The following REL variants were observed in gnomAD, a reference collection of about 807,000 sequenced individuals.
The protein encoded by REL is proto-oncogene c-Rel.
A neutral mutation model predicts 45.9 loss-of-function variants in REL; 15 were observed. That is an observed-to-expected ratio of 0.33 (90% CI 0.22 to 0.50). REL has a LOEUF of 0.50. Among genes scored for constraint, REL ranks in the 20% least tolerant of loss-of-function variants. REL has a pLI of 0.98. For synonymous variants in REL, 239 were observed against 242.1 expected (o/e 0.99, Z 0.12); for missense variants, 601 against 715.2 (o/e 0.84, Z 1.82).
At chr2:60,901,293 C>G (rs1002805762) in intron 4 of REL, among the ~76,000 whole-genome samples, 9 of 151,488 alleles carry the variant, frequency 5.9e-5, no homozygotes, top group Non-Finnish European at 1.2e-4. Context: ...TCCGGAGTAG[C>G]TGGGATTATA....
intron 7 of REL, 90 bp downstream of exon 7, chr2:60,918,696 T>C (rs939158179): frequency 6.8e-5 from 58 of 856,626 alleles, no homozygotes; most frequent in Admixed American, 3.9e-4. Context: ...AGTACAGTTA[T>C]GTATATTCAT....
chr2:60,883,833 A>C (rs1008914102), intron 1 of REL, among the ~76,000 whole-genome samples: 9 of 149,586 alleles, frequency 6.0e-5, no homozygotes, highest in African/African-American at 1.7e-4. Context: ...TAGAAGTTGA[A>C]GGGTGATTAA....
At chr2:60,894,614 A>G (rs921599174) in intron 3 of REL, 69 bp downstream of exon 3, 19 of 1,186,960 alleles carry the variant, frequency 1.6e-5, no homozygotes, top group Non-Finnish European at 2.1e-5. Flanking sequence ...CTTCTCCATG[A>G]CAATCTGTTA....
chr2:60,887,543 A>C (rs1202909625), intron 1 of REL, among the ~76,000 whole-genome samples: 6 of 151,930 alleles, frequency 3.9e-5, no homozygotes, highest in Non-Finnish European at 7.4e-5. Context: ...TATCTCAAGA[A>C]GAAATAAGAC....
At chr2:60,900,065 C>A (rs1373925585) in intron 3 of REL, 1 of 152,046 alleles carries the variant, frequency 6.6e-6, no homozygotes, top group African/African-American at 2.4e-5. Flanking sequence ...TGTAGGAGGA[C>A]TAACAGGCAC....
At chr2:60,891,026 C>CT (rs572903405) in intron 1 of REL, among the ~76,000 whole-genome samples, 2 of 152,084 alleles carry the variant, frequency 1.3e-5, no homozygotes, top group African/African-American at 2.4e-5. Context: ...AAAGTGAATA[C>CT]TTTTTTTTCT....
At chr2:60,915,938 A>C (rs2103976344) in intron 4 of REL, among the ~76,000 whole-genome samples, 1 of 152,278 alleles carries the variant, frequency 6.6e-6, no homozygotes, top group Admixed American at 6.5e-5. Flanking sequence ...TTGGTATTTC[A>C]TCCTTAAAAT....
chr2:60,920,334 G>A lies in REL; in HGVS notation c.922+225G>A, dbSNP rs1674104400. 1.6e-5 allele frequency: 10 copies of A among 615,608 alleles called. No homozygotes were observed. The South Asian group carries it at 2.0e-4, about 12-fold the overall frequency. 38.1% of individuals were successfully genotyped at this position (615,608 alleles called of 1,614,324 possible). A position where few individuals can be genotyped will look rare whatever the true frequency, so the allele number is the denominator to read the frequency against. The stretch of plus-strand genomic sequence containing the variant: ...TCCTGCCTCAGCCTCCCGGGTAGCT[G>A]AGATTACAGGCATGTGCCACCACAC... On this transcript the variant is annotated intron_variant, in intron 8 of 9. Coordinates refer to ENST00000394479, the MANE Select transcript of REL (RefSeq NM_001291746.2).
chr2:60,906,306 A>G (rs973852536), intron 4 of REL, among the ~76,000 whole-genome samples: 2 of 152,072 alleles, frequency 1.3e-5, no homozygotes, highest in Admixed American at 6.5e-5. Flanking sequence ...ACTCAATTCT[A>G]TTCTGTACCT....
Position 60,926,293 on chromosome 2 carries a change from C to T in REL, c.*3758C>T, listed in dbSNP as rs946365684. ...CTTGGATGCATTTGCATCCTGACTT[C>T]TGAAATGCCTCCAGCCTCCATTTTC... On this transcript the variant is annotated 3_prime_UTR_variant, in exon 10 of 10. Transcript: ENST00000394479. 5 of 231,868 alleles carry T rather than the reference C, an allele frequency of 2.2e-5. No individual in the cohort carries two copies. The Admixed American group carries it at 2.8e-4, about 13-fold the overall frequency. 14.4% of individuals were successfully genotyped at this position (231,868 alleles called of 1,614,324 possible). A position where few individuals can be genotyped will look rare whatever the true frequency, so the allele number is the denominator to read the frequency against.
chr2:60,897,862 T>TA (rs1673392406), intron 3 of REL, among the ~76,000 whole-genome samples: 1 of 121,464 alleles, frequency 8.2e-6, no homozygotes. Context: ...TTGTATCTCT[T>TA]TAAAAAAAAA....
chr2:60,924,790 A>G lies in REL; in HGVS notation c.*2255A>G. 1 of 206,896 alleles carries G rather than the reference A, an allele frequency of 4.8e-6. No individual in the cohort carries two copies. Among genetic ancestry groups the G allele is most frequent in the Non-Finnish European group, 9.9e-6 (1 of 101,116 alleles). 12.8% of individuals were successfully genotyped at this position (206,896 alleles called of 1,614,324 possible). On this transcript the variant is annotated 3_prime_UTR_variant, in exon 10 of 10. Transcript: ENST00000394479. ...GTCACATATTCATTTGGCTGGTTTC[A>G]AATGGTGAGCTGAATGCTGGGTAAT...
At chr2:60,882,898 G>A (rs906315455) in intron 1 of REL, among the ~76,000 whole-genome samples, 2 of 152,120 alleles carry the variant, frequency 1.3e-5, no homozygotes, top group African/African-American at 4.8e-5. Context: ...CTCCCTTTGG[G>A]GGGGAATAAG....
chr2:60,894,592 G>A (rs747895839), intron 3 of REL, 47 bp downstream of exon 3: 11 of 1,418,108 alleles, frequency 7.8e-6, no homozygotes, highest in Admixed American at 2.4e-5. Flanking sequence ...TAAGACATAG[G>A]ATGTTCTGTT....
chr2:60,908,487 G>C (rs556735546), intron 4 of REL, among the ~76,000 whole-genome samples: 1 of 152,330 alleles, frequency 6.6e-6, no homozygotes, highest in African/African-American at 2.4e-5. Flanking sequence ...AATTGCCAAA[G>C]TCTAAATTGG....
At chr2:60,894,680 C>A (rs1673303754) in intron 3 of REL, 135 bp downstream of exon 3, 3 of 592,142 alleles carry the variant, frequency 5.1e-6, no homozygotes, top group Non-Finnish European at 8.0e-6. Context: ...TTTACACTTA[C>A]ATTTTTACTA....
rs1304457448 is a variant in REL at position 60,891,710 on chromosome 2, T to C, written c.38T>C (p.Ile13Thr). 1 of 1,613,894 alleles carries C rather than the reference T, an allele frequency of 6.2e-7. No individual in the cohort carries two copies. The highest frequency in any genetic ancestry group is 1.7e-5 in the Admixed American group (1 of 59,992). Reference protein sequence around the residue: ...SGAYNPYIEIIEQPRQRGMRF... With the variant: ...SGAYNPYIEITEQPRQRGMRF... The stretch of plus-strand genomic sequence containing the variant: ...GCGTATAACCCGTATATAGAGATAA[T>C]TGAACAACCCAGGCAGAGGGGAATG... Residue 13 changes from isoleucine (I) to threonine (T), a missense_variant, in exon 2 of 10, where the codon ATT (isoleucine) becomes ACT (threonine). By Grantham distance (89) the Ile-to-Thr change is moderately conservative. Coordinates refer to ENST00000394479, the MANE Select transcript of REL (RefSeq NM_001291746.2).
At chr2:60,897,331 A>G (rs13406503) in intron 3 of REL, among the ~76,000 whole-genome samples, 32,361 of 148,480 alleles carry the variant, frequency 0.22, 3,697 homozygotes, top group Middle Eastern at 0.35. Flanking sequence ...TTTTTGAGAC[A>G]GAGCCTTGCT....
chr2:60,902,673 G>A (rs978601649), intron 4 of REL, among the ~76,000 whole-genome samples: 6 of 149,812 alleles, frequency 4.0e-5, no homozygotes, highest in African/African-American at 7.4e-5. Flanking sequence ...AGATCACTGC[G>A]GCGTTGACAT....
Sources: allele counts gnomAD v4.1 joint callset (sites outside exome capture counted in the v4.1 genomes callset), GRCh38; gene constraint gnomAD v4.1.1; transcripts MANE v1.5; gene names NCBI Gene and HGNC (gene_info 2026-07-23, HGNC 2026-07-21).